EIF2AK2: variants seen among roughly 807,000 people sequenced by gnomAD.
EIF2AK2 encodes the protein eukaryotic translation initiation factor 2 alpha kinase 2.
A neutral mutation model predicts 70.5 loss-of-function variants in EIF2AK2; 40 were observed. The observed-to-expected ratio is 0.57, with a 90% confidence interval of 0.44 to 0.74. EIF2AK2 has a LOEUF of 0.74. Among genes scored for constraint, EIF2AK2 ranks in the 30% least tolerant of loss-of-function variants. The pLI, the probability that EIF2AK2 is intolerant of heterozygous loss-of-function variation, is 0.00. For synonymous variants in EIF2AK2, 198 were observed against 220.9 expected (o/e 0.90, Z 0.92); for missense variants, 555 against 644.3 (o/e 0.86, Z 1.50).
In EIF2AK2 at chr2:37,103,737, C is replaced by T. The variant is rs1457870412; in HGVS notation, c.*3536G>A. The T allele has an allele frequency of 6.6e-6, 1 of 152,184 alleles. No homozygotes were observed. The highest frequency in any genetic ancestry group is 2.4e-5 in the African/African-American group (1 of 41,460). 9.4% of individuals were successfully genotyped at this position (152,184 alleles called of 1,614,324 possible). On this transcript the variant is annotated 3_prime_UTR_variant, in exon 17 of 17. Transcript: ENST00000233057. ...CAATTGTACAATGGCTAATATTTTGCCACATGTGTGCCCTCTTTCTCTCTC... is the reference window on the plus strand; with the variant it reads ...CAATTGTACAATGGCTAATATTTTGTCACATGTGTGCCCTCTTTCTCTCTC...
chr2:37,137,044 T>C (rs1284368404), intron 8 of EIF2AK2, 27 bp from the exon 9 acceptor site: 7 of 1,583,976 alleles, frequency 4.4e-6, no homozygotes, highest in Non-Finnish European at 5.2e-6. Flanking sequence ...TGAGAAATAG[T>C]TTCAGATGAC....
chr2:37,138,977 T>G (rs1573028480), intron 6 of EIF2AK2, among the ~76,000 whole-genome samples: 2 of 151,168 alleles, frequency 1.3e-5, no homozygotes, highest in South Asian at 2.1e-4. Flanking sequence ...TTTTTTTTTT[T>G]GTAGCGACAT....
At chr2:37,111,878 A>AT (rs1238994487) in intron 14 of EIF2AK2, among the ~76,000 whole-genome samples, 45 of 69,122 alleles carry the variant, frequency 6.5e-4, no homozygotes, top group African/African-American at 1.4e-3. Context: ...AAAAAAAAAA[A>AT]ATATATATAT....
intron 11 of EIF2AK2, among the ~76,000 whole-genome samples, chr2:37,125,598 T>C (rs569469220): frequency 1.6e-4 from 25 of 152,306 alleles, no homozygotes; most frequent in African/African-American, 5.8e-4. Flanking sequence ...TGATTGACAG[T>C]CCCAGCTGAA....
Position 37,147,685 on chromosome 2 carries a change from T to C in EIF2AK2, c.119+3A>G. ...TGCCATATCATTTTTTATAGCAACCTACCTCCTATCATGTGGAGGTCCTGA... is the reference window on the plus strand; with the variant it reads ...TGCCATATCATTTTTTATAGCAACCCACCTCCTATCATGTGGAGGTCCTGA... On this transcript the variant is annotated splice_donor_region_variant and intron_variant, in intron 3 of 16. Coordinates refer to ENST00000233057, the MANE Select transcript of EIF2AK2 (RefSeq NM_001135651.3). The C allele has an allele frequency of 6.3e-7, 1 of 1,576,572 alleles. No homozygotes were observed. Among genetic ancestry groups the C allele is most frequent in the Non-Finnish European group, 8.7e-7 (1 of 1,146,746 alleles).
chr2:37,143,222 C>CAAAAAA (rs34947987), intron 4 of EIF2AK2, among the ~76,000 whole-genome samples: 33 of 112,206 alleles, frequency 2.9e-4, no homozygotes, highest in Admixed American at 6.3e-4. Flanking sequence ...GACTCTGTCT[C>CAAAAAA]AAAAAAAAAA....
chr2:37,135,448 T>C (rs1359449012), intron 10 of EIF2AK2, 36 bp downstream of exon 10: 2 of 1,552,052 alleles, frequency 1.3e-6, no homozygotes, highest in Non-Finnish European at 1.8e-6. Context: ...CCGACAGCAT[T>C]ACCCCTTCTT....
chr2:37,147,841 T>C lies in EIF2AK2; in HGVS notation c.-16-19A>G, dbSNP rs369451384. Reference sequence around the variant, plus strand: ...CCGTATCCTACAATGGAAGAGACATTTGAATGAGTGATGCTCACAGAACAT... The same window carrying C: ...CCGTATCCTACAATGGAAGAGACATCTGAATGAGTGATGCTCACAGAACAT... On this transcript the variant is annotated intron_variant, in intron 2 of 16. Transcript: ENST00000233057. 2 of 1,497,938 alleles carry C rather than the reference T, an allele frequency of 1.3e-6. No individual in the cohort carries two copies. Among genetic ancestry groups the C allele is most frequent in the African/African-American group, 2.8e-5 (2 of 72,510 alleles). 92.8% of individuals were successfully genotyped at this position (1,497,938 alleles called of 1,614,324 possible).
intron 14 of EIF2AK2, among the ~76,000 whole-genome samples, chr2:37,113,498 CAAA>C (rs61174879): frequency 3.0e-5 from 1 of 33,054 alleles, no homozygotes; most frequent in Non-Finnish European, 5.4e-5. Flanking sequence ...AACTCCATCT[CAAA>C]AAAAAAAAAA....
chr2:37,154,148 G>C (rs2148720432), intron 1 of EIF2AK2, among the ~76,000 whole-genome samples: 1 of 152,132 alleles, frequency 6.6e-6, no homozygotes, highest in South Asian at 2.1e-4. Context: ...CCAACATGGA[G>C]AAACCCCATC....
intron 10 of EIF2AK2, among the ~76,000 whole-genome samples, chr2:37,130,395 C>A (rs1674898982): frequency 6.6e-6 from 1 of 152,134 alleles, no homozygotes; most frequent in African/African-American, 2.4e-5. Context: ...GAGGCACCGA[C>A]CTGGCCTGGC....
chr2:37,107,650 G>T, intron 15 of EIF2AK2, 123 bp from the exon 16 acceptor site: 2 of 1,050,074 alleles, frequency 1.9e-6, no homozygotes, highest in Non-Finnish European at 2.7e-6. Context: ...AGTCTCTTTA[G>T]CCAAGAAGCA....
intron 10 of EIF2AK2, among the ~76,000 whole-genome samples, chr2:37,133,869 G>C (rs1353499598): frequency 2.0e-5 from 3 of 152,078 alleles, no homozygotes. Flanking sequence ...GAACCTTCCA[G>C]GACTTTATTC....
At chr2:37,154,129 C>A (rs1030263140) in intron 1 of EIF2AK2, among the ~76,000 whole-genome samples, 1 of 152,086 alleles carries the variant, frequency 6.6e-6, no homozygotes, top group African/African-American at 2.4e-5. Flanking sequence ...GACTTCAAGA[C>A]CAGCCTGACC....
chr2:37,139,909 C>G (rs1397139980), intron 5 of EIF2AK2, 152 bp from the exon 6 acceptor site: 2 of 829,026 alleles, frequency 2.4e-6, no homozygotes, highest in African/African-American at 3.6e-5. Context: ...AATTTAAACC[C>G]TCAGTAACAT....
In EIF2AK2 at chr2:37,147,687, C is replaced by T; in HGVS notation, c.119+1G>A. The stretch of plus-strand genomic sequence containing the variant: ...CCATATCATTTTTTATAGCAACCTA[C>T]CTCCTATCATGTGGAGGTCCTGAAT... On this transcript the variant is annotated splice_donor_variant, in intron 3 of 16. Transcript: ENST00000233057. LOFTEE classifies it high-confidence loss of function. 6.3e-7 allele frequency: 1 copy of T among 1,598,354 alleles called. No homozygotes were observed. The highest frequency in any genetic ancestry group is 1.1e-5 in the South Asian group (1 of 90,678).
At chr2:37,125,744 A>C (rs1208088713) in intron 11 of EIF2AK2, among the ~76,000 whole-genome samples, 2 of 152,242 alleles carry the variant, frequency 1.3e-5, no homozygotes, top group African/African-American at 2.4e-5. Context: ...AGATGAGCAC[A>C]ATCAACCCAT....
chr2:37,152,044 C>T (rs1675763200), intron 1 of EIF2AK2, among the ~76,000 whole-genome samples: 1 of 152,170 alleles, frequency 6.6e-6, no homozygotes, highest in African/African-American at 2.4e-5. Context: ...CCAGCCTGCG[C>T]GACAGAGCGA....
intron 10 of EIF2AK2, among the ~76,000 whole-genome samples, chr2:37,126,696 C>T (rs2148684680): frequency 6.6e-6 from 1 of 152,166 alleles, no homozygotes; most frequent in Non-Finnish European, 1.5e-5. Flanking sequence ...ATGGCTCATG[C>T]CCGTAATACC....
Sources: allele counts gnomAD v4.1 joint callset (sites outside exome capture counted in the v4.1 genomes callset), GRCh38; gene constraint gnomAD v4.1.1; transcripts MANE v1.5; gene names NCBI Gene and HGNC (gene_info 2026-07-23, HGNC 2026-07-21).